PMS1: variants seen among roughly 807,000 people sequenced by gnomAD.
PMS1 encodes the protein PMS1 homolog 1, mismatch repair system component, also known as PMS1 protein homolog 1.
Under a neutral mutation model 93.1 loss-of-function variants are expected in PMS1, and 79 were observed. That is an observed-to-expected ratio of 0.85 (90% CI 0.71 to 1.02). The LOEUF is 1.02. PMS1 is among the 50% of genes least tolerant of loss of function. The probability of loss-of-function intolerance (pLI) is 0.00; values close to 1 mark genes in which losing one functional copy is unlikely to be tolerated. For synonymous variants in PMS1, 335 were observed against 363.4 expected (o/e 0.92, Z 0.89); for missense variants, 1,064 against 1,085.3 (o/e 0.98, Z 0.28).
intron 9 of PMS1, among the ~76,000 whole-genome samples, chr2:189,855,527 T>C (rs183091011): frequency 1.2e-4 from 18 of 152,102 alleles, no homozygotes; most frequent in African/African-American, 3.9e-4. Flanking sequence ...CTGGTGTTTT[T>C]AATATCTTAA....
chr2:189,817,260 TCTGA>T (rs762932190), intron 4 of PMS1, among the ~76,000 whole-genome samples: 129 of 152,366 alleles, frequency 8.5e-4, no homozygotes, highest in Middle Eastern at 6.8e-3. Context: ...GATTCTCTAC[TCTGA>T]CTGTACATTC....
chr2:189,788,168 C>A (rs1222842451), intron 1 of PMS1, among the ~76,000 whole-genome samples: 3 of 152,162 alleles, frequency 2.0e-5, no homozygotes, highest in Non-Finnish European at 4.4e-5. Flanking sequence ...TAAGTTTATA[C>A]CCCAAAGTTT....
intron 11 of PMS1, among the ~76,000 whole-genome samples, chr2:189,872,864 G>C (rs1452920846): frequency 1.3e-5 from 2 of 152,098 alleles, no homozygotes; most frequent in Admixed American, 1.3e-4. Flanking sequence ...TCAAACTCCT[G>C]ATGTTGTGAT....
intron 5 of PMS1, among the ~76,000 whole-genome samples, chr2:189,832,830 T>A (rs538110198): frequency 6.6e-6 from 1 of 152,340 alleles, no homozygotes; most frequent in Non-Finnish European, 1.5e-5. Context: ...AGGTAGGTAG[T>A]GAACTTTAGA....
At chr2:189,866,113 C>T (rs1575363033) in intron 10 of PMS1, among the ~76,000 whole-genome samples, 2 of 152,176 alleles carry the variant, frequency 1.3e-5, no homozygotes, top group South Asian at 2.1e-4. Context: ...TCTTAGGCTA[C>T]ATTCAAACAG....
At position 189,873,229 on chromosome 2, in the gene PMS1, A is replaced by G. The variant is rs576984740; in HGVS notation, c.2474-267A>G. 1.4e-4 allele frequency among the ~76,000 whole-genome samples: 22 copies of G among 152,348 alleles called. No homozygotes were observed. In the East Asian group the frequency reaches 4.0e-3, roughly 28 times the overall value. ...CATTTTCTCTCCAAAGCAAGAAATG[A>G]TCTAAACAAATTTAAGGAACAGAAC... On this transcript the variant is annotated intron_variant, in intron 11 of 12. Coordinates refer to ENST00000441310, the MANE Select transcript of PMS1 (RefSeq NM_000534.5).
chr2:189,818,671 C>T (rs908197510), intron 5 of PMS1, among the ~76,000 whole-genome samples: 19 of 152,112 alleles, frequency 1.2e-4, no homozygotes, highest in Admixed American at 4.6e-4. Flanking sequence ...TAAAGAGTGT[C>T]TTTAATTTGT....
chr2:189,839,877 A>G (rs2053680583), intron 5 of PMS1, among the ~76,000 whole-genome samples: 1 of 152,278 alleles, frequency 6.6e-6, no homozygotes, highest in Non-Finnish European at 1.5e-5. Flanking sequence ...TTTTTTATTT[A>G]ACCAAAATAT....
chr2:189,861,466 T>G (rs959170480), intron 9 of PMS1, among the ~76,000 whole-genome samples: 5 of 151,914 alleles, frequency 3.3e-5, no homozygotes, highest in African/African-American at 4.8e-5. Context: ...GATTTCACTG[T>G]TGGCCAGGCG....
In PMS1 at chr2:189,855,062, G is replaced by C; in HGVS notation, c.1790G>C (p.Ser597Thr). Residue 597 changes from serine to threonine, a missense_variant, in exon 9 of 13, where the codon AGT (serine) becomes ACT (threonine). Ser to Thr is a moderately conservative substitution (Grantham distance 58). Transcript: ENST00000441310. ...TTTCTCATAGAAAATCCTAAGACTA[G>C]TTTAGAGGATGCAACACTACAAATT... ...PQFLIENPKT[S>T]LEDATLQIEE... 1.9e-6 allele frequency: 3 copies of C among 1,613,236 alleles called. No homozygotes were observed. The highest frequency in any genetic ancestry group is 2.2e-5 in the South Asian group (2 of 91,046).
chr2:189,832,470 CT>C (rs912101315), intron 5 of PMS1, among the ~76,000 whole-genome samples: 5 of 147,406 alleles, frequency 3.4e-5, no homozygotes, highest in Admixed American at 1.4e-4. Flanking sequence ...GAAGGGTTTT[CT>C]TTTTTTTTTA....
intron 1 of PMS1, among the ~76,000 whole-genome samples, chr2:189,786,135 A>G (rs1312766373): frequency 6.6e-6 from 1 of 152,100 alleles, no homozygotes; most frequent in Non-Finnish European, 1.5e-5. Flanking sequence ...ATAAAAAATA[A>G]AAAAAGACGA....
intron 2 of PMS1, among the ~76,000 whole-genome samples, chr2:189,792,959 G>A (rs934212762): frequency 6.6e-6 from 1 of 151,892 alleles, no homozygotes; most frequent in Non-Finnish European, 1.5e-5. Context: ...ACAGGCACCT[G>A]TTACCACGCC....
intron 12 of PMS1, among the ~76,000 whole-genome samples, chr2:189,876,739 C>T (rs1347891042): frequency 6.6e-6 from 1 of 150,636 alleles, no homozygotes; most frequent in East Asian, 1.9e-4. Context: ...TCCCATGTAG[C>T]TGGGACTACA....
intron 1 of PMS1, among the ~76,000 whole-genome samples, chr2:189,789,808 A>G (rs2106203240): frequency 6.6e-6 from 1 of 151,572 alleles, no homozygotes; most frequent in South Asian, 2.1e-4. Flanking sequence ...CCCAGCCCCC[A>G]TTTTTTTTGG....
chr2:189,870,581 A>G (rs559735556), intron 11 of PMS1, among the ~76,000 whole-genome samples: 9 of 152,292 alleles, frequency 5.9e-5, no homozygotes, highest in South Asian at 2.1e-4. Context: ...ATATTGCTCA[A>G]TTTCCTTATT....
chr2:189,877,106 C>T (rs529599208), intron 12 of PMS1, among the ~76,000 whole-genome samples, 166 bp from the exon 13 acceptor site: 19 of 152,220 alleles, frequency 1.2e-4, no homozygotes, highest in Admixed American at 1.2e-3. Context: ...TTTTGGTTCA[C>T]CACTACATCC....
chr2:189,832,233 T>C (rs1285933119), intron 5 of PMS1, among the ~76,000 whole-genome samples: 1 of 152,190 alleles, frequency 6.6e-6, no homozygotes, highest in Non-Finnish European at 1.5e-5. Context: ...GGAGTTGTAA[T>C]GCAGAAGAGA....
In PMS1 at chr2:189,843,988, G is replaced by A. The variant is rs1189727414; in HGVS notation, c.607G>A (p.Val203Ile). ...GGCAGTTATTTGGCAGAAAAGCAGA[G>A]TATCAGATCACAAGATGGCTCTCAT... Reference protein sequence around the residue: ...NKAVIWQKSRVSDHKMALMSV... With the variant: ...NKAVIWQKSRISDHKMALMSV... The change falls in exon 6 of 13, where the codon GTA (valine) becomes ATA (isoleucine). Residue 203 changes from valine to isoleucine, a missense_variant. By Grantham distance (29) the Val-to-Ile change is conservative. Coordinates refer to ENST00000441310, the MANE Select transcript of PMS1 (RefSeq NM_000534.5). The A allele has an allele frequency of 1.2e-6, 2 of 1,613,956 alleles. No homozygotes were observed. The highest frequency in any genetic ancestry group is 1.3e-5 in the African/African-American group (1 of 75,038).
Sources: allele counts gnomAD v4.1 joint callset (sites outside exome capture counted in the v4.1 genomes callset), GRCh38; gene constraint gnomAD v4.1.1; transcripts MANE v1.5; gene names NCBI Gene and HGNC (gene_info 2026-07-23, HGNC 2026-07-21).